Variants in SLC35E4 observed in about 807,000 individuals in gnomAD.
SLC35E4 encodes solute carrier family 35 member E4.
A neutral mutation model predicts 19.3 loss-of-function variants in SLC35E4; 15 were observed. The observed-to-expected ratio is 0.78, with a 90% CI of 0.52 to 1.20. The LOEUF (loss-of-function observed/expected upper bound fraction) is 1.20, where lower values mean the gene tolerates loss of function less well. Ranked by LOEUF, SLC35E4 falls within the 50% of genes most tolerant of loss-of-function variation. The pLI is 0.00. For missense variants in SLC35E4, 406 were observed against 472.3 expected, an observed-to-expected ratio of 0.86 and a Z score of 1.30; for synonymous variants, 219 against 219.9, an observed-to-expected ratio of 1.00 and a Z score of 0.04.
At chr22:30,654,053 C>T (rs1002568379) in intron 2 of SLC35E4, 1 of 162,524 alleles carries the variant, frequency 6.2e-6, no homozygotes, top group African/African-American at 2.4e-5. Context: ...GATCTCGGCT[C>T]ACTGCAAGCT....
chr22:30,657,303 AC>A (rs551091025), intron 2 of SLC35E4, among the ~76,000 whole-genome samples: 45,146 of 132,478 alleles, frequency 0.34, 8,257 homozygotes, highest in African/African-American at 0.61. Flanking sequence ...ACACACACAC[AC>A]ACAAATTAGC....
intron 2 of SLC35E4, among the ~76,000 whole-genome samples, chr22:30,655,588 C>T (rs986235997): frequency 4.6e-5 from 7 of 151,856 alleles, no homozygotes; most frequent in African/African-American, 1.7e-4. Context: ...AATGGGCCTG[C>T]CTTAGTATCC....
At chr22:30,651,921 G>T (rs2088229471), downstream of SLC35E4, 1 of 152,194 alleles carries the variant, frequency 6.6e-6, no homozygotes, top group African/African-American at 2.4e-5. Flanking sequence ...TCAGTCATCT[G>T]AAAGCTTGGC....
chr22:30,639,658 A>T (rs1275981975), intron 1 of SLC35E4, among the ~76,000 whole-genome samples: 1 of 152,196 alleles, frequency 6.6e-6, no homozygotes, highest in Admixed American at 6.5e-5. Flanking sequence ...TGAGAAAAAG[A>T]ATTCAGCAAC....
chr22:30,639,182 C>T (rs1024525825), intron 1 of SLC35E4, among the ~76,000 whole-genome samples: 1 of 151,952 alleles, frequency 6.6e-6, no homozygotes, highest in Non-Finnish European at 1.5e-5. Flanking sequence ...GCTGGGTGTC[C>T]GGGGGAGACA....
At chr22:30,659,869 T>C (rs2088423795) in intron 2 of SLC35E4, among the ~76,000 whole-genome samples, 1 of 152,322 alleles carries the variant, frequency 6.6e-6, no homozygotes, top group Non-Finnish European at 1.5e-5. Context: ...TGGACTTAGA[T>C]GTAACAGAAG....
chr22:30,657,772 C>T (rs1481360890), intron 2 of SLC35E4, among the ~76,000 whole-genome samples: 1 of 151,292 alleles, frequency 6.6e-6, no homozygotes, highest in Non-Finnish European at 1.5e-5. Flanking sequence ...GGTGTGGTGG[C>T]GGGCACCTGT....
downstream of SLC35E4, chr22:30,665,427 G>T (rs1043434510): frequency 2.3e-6 from 1 of 442,446 alleles, no homozygotes; most frequent in Admixed American, 2.5e-5. Context: ...GGGACAACCT[G>T]TCCTCTCCAG....
chr22:30,663,126 G>A, exon 3 of SLC35E4: 2 of 290,402 alleles, frequency 6.9e-6, no homozygotes, highest in Non-Finnish European at 6.5e-6. Flanking sequence ...GGGGAGGGCT[G>A]CAGGATTCCA....
Position 30,636,449 on chromosome 22 carries a change from G to A in SLC35E4, c.-2G>A, listed in dbSNP as rs1314674346. 1.3e-6 allele frequency: 2 copies of A among 1,482,446 alleles called. No individual in the cohort carries two copies. Among genetic ancestry groups the A allele is most frequent in the East Asian group, 5.0e-5 (2 of 40,152 alleles). 91.8% of individuals were successfully genotyped at this position (1,482,446 alleles called of 1,614,324 possible). ...CCTCCTGCCCTAGCCTCACTGGTGC[G>A]GATGTGCCGCTGCCCGCCGGAGCAC... On this transcript the variant is annotated 5_prime_UTR_variant, in exon 1 of 2. Coordinates refer to ENST00000343605, the MANE Select transcript of SLC35E4 (RefSeq NM_001001479.4).
In SLC35E4 at chr22:30,636,572, T is replaced by TC; in HGVS notation, c.124dup (p.Arg42ProfsTer228). 6.3e-7 allele frequency: 1 copy of TC among 1,584,484 alleles called. No individual in the cohort carries two copies. Among genetic ancestry groups the TC allele is most frequent in the Non-Finnish European group, 8.6e-7 (1 of 1,165,754 alleles). On this transcript the variant is annotated frameshift_variant, in exon 1 of 2. Transcript: ENST00000343605. LOFTEE classifies it high-confidence loss of function. Reference sequence around the variant, plus strand: ...TGGCCCCCTGGCAGCCCTCAGGCCCTCCGGCAGCCTGGCCGGGCCCGAGTG... The same window carrying TC: ...TGGCCCCCTGGCAGCCCTCAGGCCCTCCCGGCAGCCTGGCCGGGCCCGAGTG...
At chr22:30,656,424 C>T (rs2088339329) in intron 2 of SLC35E4, among the ~76,000 whole-genome samples, 1 of 152,170 alleles carries the variant, frequency 6.6e-6, no homozygotes, top group African/African-American at 2.4e-5. Flanking sequence ...ACAGCATGTC[C>T]CTGTTTATCT....
downstream of SLC35E4, among the ~76,000 whole-genome samples, chr22:30,650,549 C>G (rs984585833): frequency 6.6e-6 from 1 of 152,054 alleles, no homozygotes; most frequent in South Asian, 2.1e-4. Context: ...GACTTGTGCT[C>G]GAATCCTGGC....
At chr22:30,657,386 G>A (rs909052938) in intron 2 of SLC35E4, among the ~76,000 whole-genome samples, 1 of 149,848 alleles carries the variant, frequency 6.7e-6, no homozygotes, top group Non-Finnish European at 1.5e-5. Context: ...TTGAACCCAG[G>A]AGGCGGAGGT....
chr22:30,664,121 A>G, downstream of SLC35E4: 2 of 949,270 alleles, frequency 2.1e-6, no homozygotes, highest in Non-Finnish European at 3.2e-6. Context: ...AGGTGCCCAG[A>G]GGGCCAATTC....
At chr22:30,663,902 G>T, downstream of SLC35E4, 1 of 1,614,138 alleles carries the variant, frequency 6.2e-7, no homozygotes, top group South Asian at 1.1e-5. Flanking sequence ...TGTTGTTGGC[G>T]GCCACACCAT....
chr22:30,637,628 G>C (rs188890455), intron 1 of SLC35E4, among the ~76,000 whole-genome samples: 1 of 152,008 alleles, frequency 6.6e-6, no homozygotes, highest in East Asian at 1.9e-4. Flanking sequence ...TGTCCTCAGC[G>C]ATCTTCCCCC....
Position 30,636,549 on chromosome 22 carries a change from GC to G in SLC35E4, c.104del (p.Pro35LeufsTer94), listed in dbSNP as rs891348636. 1.5e-5 allele frequency: 24 copies of G among 1,564,096 alleles called. No individual in the cohort carries two copies. The highest frequency in any genetic ancestry group is 1.9e-5 in the Admixed American group (1 of 53,072). On this transcript the variant is annotated frameshift_variant, in exon 1 of 2. Coordinates refer to ENST00000343605, the MANE Select transcript of SLC35E4 (RefSeq NM_001001479.4). LOFTEE classifies it high-confidence loss of function. ...CTCAGGCGGCTGGGCCCCCCGAGTG[GC>G]CCCCTGGCAGCCCTCAGGCCCTCCG... ...GAQAAGPPEW[P>X]PGSPQALRQP... is the part of the protein sequence containing the mutation.
chr22:30,641,556 T>TA, intron 1 of SLC35E4, among the ~76,000 whole-genome samples: 1 of 149,504 alleles, frequency 6.7e-6, no homozygotes, highest in Non-Finnish European at 1.5e-5. Flanking sequence ...ATTTTATTAT[T>TA]TTTTTTTTTG....
Sources: allele counts gnomAD v4.1 joint callset (sites outside exome capture counted in the v4.1 genomes callset), GRCh38; gene constraint gnomAD v4.1.1; transcripts MANE v1.5; gene names NCBI Gene and HGNC (gene_info 2026-07-23, HGNC 2026-07-21).